Variants in MRAS observed in about 807,000 individuals in gnomAD.
MRAS encodes the protein muscle RAS oncogene homolog.
Under a neutral mutation model 20.9 loss-of-function variants are expected in MRAS, and 4 were observed. The ratio of observed to expected loss-of-function variants is 0.19; its 90% CI spans 0.09 to 0.44. The LOEUF is 0.44. Ranked by LOEUF, MRAS falls within the 20% of genes least tolerant of loss-of-function variation. The pLI, the probability that MRAS is intolerant of heterozygous loss-of-function variation, is 0.99. For missense variants in MRAS, 154 were observed against 277.5 expected (o/e 0.56, Z 3.16); for synonymous variants, 98 against 102.9 (o/e 0.95, Z 0.29).
At chr3:138,387,597 G>A (rs1457844677) in intron 2 of MRAS, among the ~76,000 whole-genome samples, 1 of 152,214 alleles carries the variant, frequency 6.6e-6, no homozygotes, top group Non-Finnish European at 1.5e-5. Context: ...GGGGTTGCAA[G>A]GTGGAAGTGG....
At chr3:138,350,580 G>T (rs1264148542) in intron 1 of MRAS, among the ~76,000 whole-genome samples, 1 of 152,304 alleles carries the variant, frequency 6.6e-6, no homozygotes, top group East Asian at 1.9e-4. Context: ...GGTGAAGCAA[G>T]CGATTGTCTC....
intron 1 of MRAS, among the ~76,000 whole-genome samples, chr3:138,365,653 C>T (rs2054544210): frequency 6.6e-6 from 1 of 152,174 alleles, no homozygotes; most frequent in Admixed American, 6.5e-5. Flanking sequence ...CCCTAAAGGT[C>T]CTGAGCCGTT....
chr3:138,352,627 A>G (rs2054250455), intron 1 of MRAS, among the ~76,000 whole-genome samples: 1 of 152,100 alleles, frequency 6.6e-6, no homozygotes, highest in South Asian at 2.1e-4. Context: ...GTGGGTCATC[A>G]CCGGTTGCTG....
At chr3:138,357,515 G>T (rs971113426) in intron 1 of MRAS, among the ~76,000 whole-genome samples, 1 of 152,236 alleles carries the variant, frequency 6.6e-6, no homozygotes. Flanking sequence ...AAATGAAGAG[G>T]TACATCCCCC....
At chr3:138,388,672 C>T (rs946270710) in intron 2 of MRAS, among the ~76,000 whole-genome samples, 3 of 151,802 alleles carry the variant, frequency 2.0e-5, no homozygotes, top group Non-Finnish European at 4.4e-5. Context: ...GTAGTCCAGC[C>T]TGGGTGACGG....
rs144732763 is a variant in MRAS at position 138,354,691 on chromosome 3, C to G, written c.-19+5924C>G. Among the ~76,000 whole-genome samples the G allele has an allele frequency of 6.6e-4, 100 of 152,312 alleles. 1 individual carries two copies. The highest frequency in any genetic ancestry group is 2.1e-3 in the African/African-American group (89 of 41,562). On this transcript the variant is annotated intron_variant, in intron 1 of 5. Coordinates refer to ENST00000423968, the MANE Select transcript of MRAS (RefSeq NM_001085049.3). The stretch of plus-strand genomic sequence containing the variant: ...CATGGTTTAGTCATAGCTGCCTAAA[C>G]TGAACTGTAATATTAATGATAGGTT...
At chr3:138,380,831 G>C (rs1401620851) in intron 2 of MRAS, among the ~76,000 whole-genome samples, 2 of 151,458 alleles carry the variant, frequency 1.3e-5, no homozygotes, top group East Asian at 3.9e-4. Flanking sequence ...GTGCAGTGGT[G>C]TGATCTCGGC....
chr3:138,391,879 C>T (rs1386644904), intron 2 of MRAS, among the ~76,000 whole-genome samples: 2 of 152,188 alleles, frequency 1.3e-5, no homozygotes, highest in African/African-American at 4.8e-5. Context: ...GTGGCTTACG[C>T]CTGTAATCCC....
At position 138,400,534 on chromosome 3, in the gene MRAS, A is replaced by G; in HGVS notation, c.448A>G (p.Ile150Val). Reference protein sequence around the residue: ...QGKEMATKHNIPYIETSAKDP... With the variant: ...QGKEMATKHNVPYIETSAKDP... The stretch of plus-strand genomic sequence containing the variant: ...GATCAAGTTGAGCTTTGCCTTCCAG[A>G]TTCCGTACATAGAAACCAGTGCCAA... Residue 150 changes from isoleucine (I) to valine (V), a missense_variant and splice_region_variant, in exon 5 of 6, where the codon ATT (isoleucine) becomes GTT (valine). Ile to Val is a conservative substitution (Grantham distance 29). Around this residue, in one of 3 missense-constraint regions of MRAS, gnomAD observed 125 missense variants for 213.5 expected, o/e 0.59. Coordinates refer to ENST00000423968, the MANE Select transcript of MRAS (RefSeq NM_001085049.3). 1 of 1,611,478 alleles carries G rather than the reference A, an allele frequency of 6.2e-7. No homozygotes were observed. Among genetic ancestry groups the G allele is most frequent in the Non-Finnish European group, 8.5e-7 (1 of 1,177,560 alleles).
intron 2 of MRAS, among the ~76,000 whole-genome samples, chr3:138,384,788 C>T (rs1162331812): frequency 6.6e-6 from 1 of 152,080 alleles, no homozygotes; most frequent in Non-Finnish European, 1.5e-5. Context: ...GGAGACAGGG[C>T]AGGACCAGTC....
chr3:138,362,798 G>A (rs1484793146), intron 1 of MRAS, among the ~76,000 whole-genome samples: 1 of 152,068 alleles, frequency 6.6e-6, no homozygotes, highest in Non-Finnish European at 1.5e-5. Flanking sequence ...ACCGTGCGTG[G>A]TATAGGGATA....
At chr3:138,377,206 CAG>C (rs891410227) in intron 2 of MRAS, among the ~76,000 whole-genome samples, 37 of 152,228 alleles carry the variant, frequency 2.4e-4, no homozygotes, top group Admixed American at 6.5e-5. Flanking sequence ...ATTCTGCCAC[CAG>C]AGTCAGGCCC....
rs182173690 is a variant in MRAS at position 138,380,646 on chromosome 3, A to T, written c.193+7570A>T. ...GTCTCTATGTATTTAACTAATCTAG[A>T]TACCTCATTTGAGTGCTATGATAAG... is the stretch of plus-strand genomic sequence containing the variant. On this transcript the variant is annotated intron_variant, in intron 2 of 5. Transcript: ENST00000423968. Among the ~76,000 whole-genome samples the T allele has an allele frequency of 8.8e-3, 1,342 of 152,004 alleles. 15 individuals are homozygous for T. The highest frequency in any genetic ancestry group is 0.031 in the African/African-American group (1,297 of 41,424).
chr3:138,397,211 G>A, intron 2 of MRAS, 113 bp from the exon 3 acceptor site: 1 of 1,299,460 alleles, frequency 7.7e-7, no homozygotes, highest in Non-Finnish European at 1.1e-6. Context: ...TCACGGGACA[G>A]CTCGGACTGG....
chr3:138,380,776 T>C (rs2054884708), intron 2 of MRAS, among the ~76,000 whole-genome samples: 1 of 151,964 alleles, frequency 6.6e-6, no homozygotes, highest in African/African-American at 2.4e-5. Flanking sequence ...TCCTTTTTTT[T>C]TCTTTTTTTT....
At chr3:138,362,391 C>G (rs776178626) in intron 1 of MRAS, among the ~76,000 whole-genome samples, 3 of 152,166 alleles carry the variant, frequency 2.0e-5, no homozygotes, top group Admixed American at 6.5e-5. Context: ...AACCCTCCCC[C>G]ACAACTTTCT....
chr3:138,354,929 T>G (rs1383709714), intron 1 of MRAS, among the ~76,000 whole-genome samples: 4 of 152,018 alleles, frequency 2.6e-5, no homozygotes, highest in African/African-American at 9.7e-5. Flanking sequence ...TATAGGCATG[T>G]GCCACCATGC....
At chr3:138,351,208 A>C (rs1426089959) in intron 1 of MRAS, among the ~76,000 whole-genome samples, 1 of 152,132 alleles carries the variant, frequency 6.6e-6, no homozygotes, top group East Asian at 1.9e-4. Flanking sequence ...ATGCCCCCAA[A>C]CAGAGTGTGT....
chr3:138,351,429 A>G (rs892964729), intron 1 of MRAS, among the ~76,000 whole-genome samples: 3 of 152,174 alleles, frequency 2.0e-5, no homozygotes, highest in African/African-American at 7.2e-5. Context: ...GGAGACAGGT[A>G]AAAAAGGAGC....
Sources: allele counts gnomAD v4.1 joint callset (sites outside exome capture counted in the v4.1 genomes callset), GRCh38; gene constraint gnomAD v4.1.1; regional missense constraint gnomAD v4.1.1; transcripts MANE v1.5; gene names NCBI Gene and HGNC (gene_info 2026-07-23, HGNC 2026-07-21).